THOC7: variants seen among roughly 807,000 people sequenced by gnomAD.
THOC7 encodes NIF3L1-binding protein 1.
In THOC7, 22 loss-of-function variants were observed where a neutral mutation model predicts 33.1. The observed-to-expected ratio is 0.66, with a 90% CI of 0.47 to 0.95. The LOEUF is 0.95. Ranked by LOEUF, THOC7 falls within the 40% of genes least tolerant of loss-of-function variation. The pLI is 0.00. For synonymous variants in THOC7, 77 were observed against 76.8 expected (o/e 1.00, Z -0.01); for missense variants, 184 against 245.3 (o/e 0.75, Z 1.67).
At chr3:63,863,463 C>A (rs1011190124) in intron 1 of THOC7, 3 of 1,154,734 alleles carry the variant, frequency 2.6e-6, no homozygotes, top group African/African-American at 1.6e-5. Flanking sequence ...TCTCGGCCAC[C>A]CACGTGTGTT....
intron 1 of THOC7, chr3:63,863,006 G>C (rs1702264137): frequency 6.6e-6 from 1 of 152,252 alleles, no homozygotes; most frequent in Non-Finnish European, 1.5e-5. Context: ...TTATCGTCCT[G>C]ATCTACCCTA....
At chr3:63,848,010 C>T (rs1701936919) in intron 1 of THOC7, among the ~76,000 whole-genome samples, 1 of 152,166 alleles carries the variant, frequency 6.6e-6, no homozygotes, top group South Asian at 2.1e-4. Flanking sequence ...AACATTAAAA[C>T]AGAGATCTTA....
At chr3:63,860,710 A>G (rs1385104711) in intron 1 of THOC7, 1 of 151,788 alleles carries the variant, frequency 6.6e-6, no homozygotes, top group Admixed American at 6.6e-5. Context: ...ACTTCCCTTT[A>G]TTTTTCCTAA....
At chr3:63,835,061 A>G (rs1701601367) in intron 7 of THOC7, 93 bp downstream of exon 7, 4 of 1,253,400 alleles carry the variant, frequency 3.2e-6, no homozygotes, top group African/African-American at 1.5e-5. Context: ...TTGAAGGTAT[A>G]CTGTCTCTCC....
chr3:63,849,290 A>G (rs545385074), intron 1 of THOC7, among the ~76,000 whole-genome samples: 1 of 152,342 alleles, frequency 6.6e-6, no homozygotes, highest in South Asian at 2.1e-4. Flanking sequence ...CAGGAGGCTG[A>G]GGCAGGACAA....
chr3:63,862,709 T>C (rs1284650415), intron 1 of THOC7, among the ~76,000 whole-genome samples: 1 of 152,106 alleles, frequency 6.6e-6, no homozygotes, highest in Non-Finnish European at 1.5e-5. Context: ...TCTTAAGAAG[T>C]GGCCTCTCCA....
Position 63,841,891 on chromosome 3 carries a change from C to T in THOC7, c.20-2118G>A, listed in dbSNP as rs1307688200. Reference sequence around the variant, plus strand: ...CTGATGGTATTCAACAGTTCCTTTGCTAGTCTTATCTGTGTTCTTCTCAAG... The same window carrying T: ...CTGATGGTATTCAACAGTTCCTTTGTTAGTCTTATCTGTGTTCTTCTCAAG... On this transcript the variant is annotated intron_variant, in intron 1 of 7. Coordinates refer to ENST00000295899, the MANE Select transcript of THOC7 (RefSeq NM_025075.4). Among the ~76,000 whole-genome samples, 3 of 152,108 alleles carry T rather than the reference C, an allele frequency of 2.0e-5. 1 individual carries two copies. The highest frequency in any genetic ancestry group is 4.4e-5 in the Non-Finnish European group (3 of 68,038).
intron 1 of THOC7, among the ~76,000 whole-genome samples, chr3:63,851,862 G>A (rs977299309): frequency 2.0e-5 from 3 of 152,096 alleles, no homozygotes; most frequent in Non-Finnish European, 4.4e-5. Context: ...CTAGAATCGA[G>A]AATAAAGCCA....
At chr3:63,837,526 G>C (rs941678920) in intron 4 of THOC7, among the ~76,000 whole-genome samples, 1 of 151,876 alleles carries the variant, frequency 6.6e-6, no homozygotes, top group Non-Finnish European at 1.5e-5. Context: ...ATGTTTGCTT[G>C]CTTTGTACTT....
chr3:63,841,787 T>C (rs982580481), intron 1 of THOC7, among the ~76,000 whole-genome samples: 14 of 152,176 alleles, frequency 9.2e-5, no homozygotes, highest in Non-Finnish European at 1.9e-4. Context: ...ATGCAGGAAA[T>C]AAATACTAAT....
intron 1 of THOC7, among the ~76,000 whole-genome samples, chr3:63,846,379 T>C (rs1347014932): frequency 6.6e-6 from 1 of 152,146 alleles, no homozygotes; most frequent in Non-Finnish European, 1.5e-5. Context: ...TCTGAAGAAT[T>C]CAGGGTCTTA....
chr3:63,838,327 A>C, intron 3 of THOC7, 45 bp downstream of exon 3: 3 of 1,313,932 alleles, frequency 2.3e-6, no homozygotes, highest in South Asian at 1.4e-5. Flanking sequence ...TTTCCTTTAG[A>C]CCATAAAAAA....
chr3:63,856,939 T>C (rs56318162), intron 1 of THOC7, among the ~76,000 whole-genome samples: 12,286 of 152,222 alleles, frequency 0.081, 1,180 homozygotes, highest in African/African-American at 0.23. Flanking sequence ...AGGATGGTCT[T>C]GAACGCCTGA....
intron 1 of THOC7, among the ~76,000 whole-genome samples, chr3:63,843,773 T>C (rs1439123443): frequency 1.3e-5 from 2 of 152,128 alleles, no homozygotes; most frequent in African/African-American, 2.4e-5. Flanking sequence ...TGGTGGCTGG[T>C]GCCTGTAGTC....
At chr3:63,838,258 A>G in intron 3 of THOC7, 114 bp downstream of exon 3, 2 of 940,762 alleles carry the variant, frequency 2.1e-6, no homozygotes, top group Non-Finnish European at 3.1e-6. Context: ...TATTCTTTCC[A>G]TTAATACAGT....
chr3:63,854,869 G>A (rs986611159), intron 1 of THOC7: 55 of 151,642 alleles, frequency 3.6e-4, no homozygotes, highest in African/African-American at 1.3e-3. Context: ...TTAGCCGGGC[G>A]TAGTGGCGGG....
chr3:63,862,999 T>C (rs187430164), intron 1 of THOC7, among the ~76,000 whole-genome samples: 15 of 152,194 alleles, frequency 9.9e-5, no homozygotes, highest in Non-Finnish European at 1.8e-4. Flanking sequence ...ACATCTTTTA[T>C]CGTCCTGATC....
At chr3:63,837,312 A>T (rs192789589) in intron 4 of THOC7, among the ~76,000 whole-genome samples, 287 of 150,924 alleles carry the variant, frequency 1.9e-3, no homozygotes, top group Middle Eastern at 7.0e-3. Flanking sequence ...TTTCATATCA[A>T]TGTAACAGTT....
At chr3:63,862,465 G>A (rs1362821082) in intron 1 of THOC7, among the ~76,000 whole-genome samples, 4 of 152,192 alleles carry the variant, frequency 2.6e-5, no homozygotes, top group Non-Finnish European at 5.9e-5. Context: ...TTTGGAGAGG[G>A]AAAAGTTCTT....
Sources: gnomAD v4.1 joint callset for allele counts (sites outside exome capture counted in the v4.1 genomes callset) on GRCh38, gnomAD v4.1.1 for gene constraint, MANE v1.5 for transcripts, NCBI Gene and HGNC (gene_info 2026-07-23, HGNC 2026-07-21) for gene names.